CRACR2B: variants seen among roughly 807,000 people sequenced by gnomAD.
CRACR2B encodes calcium release activated channel regulator 2B.
In CRACR2B, 50 loss-of-function variants were observed where a neutral mutation model predicts 46.0. That is an observed-to-expected ratio of 1.09 (90% confidence interval 0.87 to 1.38). The LOEUF (loss-of-function observed/expected upper bound fraction) is 1.38. CRACR2B is among the 40% of genes most tolerant of loss of function. CRACR2B has a pLI of 0.00. For missense variants in CRACR2B, 667 were observed against 535.0 expected (o/e 1.25, Z -2.43); for synonymous variants, 277 against 239.6 (o/e 1.16, Z -1.44).
Position 831,671 on chromosome 11 carries a change from C to G in CRACR2B, c.1162C>G (p.Pro388Ala), listed in dbSNP as rs1310730654. Residue 388 changes from proline to alanine, a missense_variant, in exon 9 of 9, where the codon CCC (proline) becomes GCC (alanine). Pro to Ala is a conservative substitution (Grantham distance 27). Transcript: ENST00000525077. ...CTGCTGCTGTTGCTGGGCTCGGCCC[C>G]CCAGACGCGGCTCTGGCCACCTTCC... ...CCCCCCWARP[P>A]RRGSGHLPSA... 3.3e-6 allele frequency: 5 copies of G among 1,530,798 alleles called. No homozygotes were observed. The highest frequency in any genetic ancestry group is 4.4e-6 in the Non-Finnish European group (5 of 1,145,250). 94.8% of individuals were successfully genotyped at this position (1,530,798 alleles called of 1,614,324 possible).
chr11:829,229 G>A, intron 2 of CRACR2B, 131 bp from the exon 3 acceptor site: 18 of 1,461,324 alleles, frequency 1.2e-5, no homozygotes, highest in Non-Finnish European at 1.5e-5. Flanking sequence ...CAGGCCAATA[G>A]GACCAGAATA....
chr11:829,482 G>A lies in CRACR2B; in HGVS notation c.400G>A (p.Glu134Lys). 1 of 1,608,294 alleles carries A rather than the reference G, an allele frequency of 6.2e-7. No homozygotes were observed. Among genetic ancestry groups the A allele is most frequent in the Non-Finnish European group, 8.5e-7 (1 of 1,178,324 alleles). Residue 134 changes from glutamate to lysine, a missense_variant, in exon 3 of 9, where the codon GAG becomes AAG. Glu to Lys is a moderately conservative substitution (Grantham distance 56, BLOSUM62 1). Coordinates refer to ENST00000525077, the MANE Select transcript of CRACR2B (RefSeq NM_001286606.2). The part of the protein sequence containing the change: ...TAGSLDEEEE[E>K]EERFHTVLEQ... ...GGGCTCTCTGGATGAGGAGGAGGAA[G>A]AGGAGGAGCGATTCCACACTGTGCT...
Position 830,730 on chromosome 11 carries a change from T to TG in CRACR2B, c.786+18dup, listed in dbSNP as rs1433443746. The TG allele has an allele frequency of 2.0e-6, 3 of 1,517,940 alleles. No individual in the cohort carries two copies. In the African/African-American group the frequency reaches 4.1e-5, roughly 21 times the overall value. The allele number at this position is 1,517,940 out of a possible 1,614,324, so 94.0% of individuals were successfully genotyped here. ...CAGCGGGAGGTGAGCACCCGGCCCC[T>TG]GCCCTGTCCCCACGGTCACCCGTGC... On this transcript the variant is annotated intron_variant, in intron 6 of 8. Coordinates refer to ENST00000525077, the MANE Select transcript of CRACR2B (RefSeq NM_001286606.2).
At chr11:829,752 G>A (rs987576793) in intron 3 of CRACR2B, 5 of 1,006,912 alleles carry the variant, frequency 5.0e-6, no homozygotes, top group African/African-American at 3.3e-5. Context: ...CTGCAGGGAG[G>A]AGGGGCAGCG....
chr11:828,530 C>T lies in CRACR2B; in HGVS notation c.-78C>T. ...GCCTTCAGACACACTTGCACCCCATCCGCTCCCCTCCTGAATTTCTTCTGA... is the reference window on the plus strand; with the variant it reads ...GCCTTCAGACACACTTGCACCCCATTCGCTCCCCTCCTGAATTTCTTCTGA... On this transcript the variant is annotated 5_prime_UTR_variant, in exon 1 of 9. Coordinates refer to ENST00000525077, the MANE Select transcript of CRACR2B (RefSeq NM_001286606.2). The T allele has an allele frequency of 6.8e-7, 1 of 1,460,672 alleles. No individual in the cohort carries two copies. Among genetic ancestry groups the T allele is most frequent in the Non-Finnish European group, 9.0e-7 (1 of 1,110,082 alleles). The allele number at this position is 1,460,672 out of a possible 1,614,324, so 90.5% of individuals were successfully genotyped here. A position where few individuals can be genotyped will look rare whatever the true frequency, so the allele number is the denominator to read the frequency against.
Position 831,677 on chromosome 11 carries a change from C to T in CRACR2B, c.1168C>T (p.Arg390Cys), listed in dbSNP as rs546770617. ...CCCCWARPPRRGSGHLPSAR is the reference protein window; with the variant it reads ...CCCCWARPPRCGSGHLPSAR The stretch of plus-strand genomic sequence containing the variant: ...CTGTTGCTGGGCTCGGCCCCCCAGA[C>T]GCGGCTCTGGCCACCTTCCCAGTGC... The change falls in exon 9 of 9, where the codon CGC (arginine) becomes TGC (cysteine). Residue 390 changes from arginine to cysteine, a missense_variant. Physicochemically the swap from Arg to Cys is radical, Grantham distance 180. Transcript: ENST00000525077. 36 of 1,525,526 alleles carry T rather than the reference C, an allele frequency of 2.4e-5. No homozygotes were observed. The South Asian group carries it at 2.9e-4, about 12-fold the overall frequency. The allele number at this position is 1,525,526 out of a possible 1,614,324, so 94.5% of individuals were successfully genotyped here.
upstream of CRACR2B, chr11:827,411 G>C: frequency 2.6e-6 from 1 of 386,490 alleles, no homozygotes; most frequent in Non-Finnish European, 3.5e-6. Context: ...AAACCTGAGC[G>C]TCTCGGTCGG....
chr11:831,955 A>T lies in CRACR2B; in HGVS notation c.*246A>T. The T allele has an allele frequency of 2.1e-6, 1 of 468,830 alleles. No individual in the cohort carries two copies. The highest frequency in any genetic ancestry group is 3.7e-6 in the Non-Finnish European group (1 of 269,782). The allele number at this position is 468,830 out of a possible 1,614,324, so 29.0% of individuals were successfully genotyped here. ...CAACCCCATCTCAGTTCAGCAGAAA[A>T]CCCCCTCGTCAAATAAAACCCACTG... On this transcript the variant is annotated 3_prime_UTR_variant, in exon 9 of 9. Coordinates refer to ENST00000525077, the MANE Select transcript of CRACR2B (RefSeq NM_001286606.2).
At position 831,037 on chromosome 11, in the gene CRACR2B, C is replaced by G. The variant is rs1299816601; in HGVS notation, c.953+5C>G. Reference sequence around the variant, plus strand: ...CCGCCAGGAGCAAACCCAACGGTGCCGTGGGACGGGGCTGGGCGGGCCCCG... The same window carrying G: ...CCGCCAGGAGCAAACCCAACGGTGCGGTGGGACGGGGCTGGGCGGGCCCCG... On this transcript the variant is annotated splice_donor_5th_base_variant and intron_variant, in intron 7 of 8. Transcript: ENST00000525077. The G allele has an allele frequency of 2.0e-5, 31 of 1,535,184 alleles. No individual in the cohort carries two copies. Among genetic ancestry groups the G allele is most frequent in the African/African-American group, 4.1e-5 (3 of 72,980 alleles).
rs1191136827 is a variant in CRACR2B, at chr11:830,718, G to A, written c.786+5G>A. Reference sequence around the variant, plus strand: ...GCGGGCCTGCGGCAGCGGGAGGTGAGCACCCGGCCCCTGCCCTGTCCCCAC... The same window carrying A: ...GCGGGCCTGCGGCAGCGGGAGGTGAACACCCGGCCCCTGCCCTGTCCCCAC... On this transcript the variant is annotated splice_donor_5th_base_variant and intron_variant, in intron 6 of 8. Coordinates refer to ENST00000525077, the MANE Select transcript of CRACR2B (RefSeq NM_001286606.2). 2.0e-6 allele frequency: 3 copies of A among 1,528,448 alleles called. No homozygotes were observed. The highest frequency in any genetic ancestry group is 1.2e-5 in the South Asian group (1 of 81,340). The allele number at this position is 1,528,448 out of a possible 1,614,324, so 94.7% of individuals were successfully genotyped here.
upstream of CRACR2B, chr11:827,555 G>A: frequency 1.0e-6 from 1 of 985,164 alleles, no homozygotes. Context: ...GGGCCCTGCT[G>A]CCGCGCGGCT....
At chr11:829,928 A>T (rs1158232962) in intron 3 of CRACR2B, 58 bp from the exon 4 acceptor site, 5 of 1,525,176 alleles carry the variant, frequency 3.3e-6, no homozygotes, top group Non-Finnish European at 4.4e-6. Flanking sequence ...CTGCTGGCGG[A>T]GGGAAGCCTG....
Position 831,760 on chromosome 11 carries a change from G to A in CRACR2B, c.*51G>A, listed in dbSNP as rs932465538. ...TGAGCTAGAAGCTGCCCTTGCAGGA[G>A]GCTTGTCATGGGTCGGGGGTGCCCA... On this transcript the variant is annotated 3_prime_UTR_variant, in exon 9 of 9. Transcript: ENST00000525077. The A allele has an allele frequency of 1.4e-5, 20 of 1,463,572 alleles. No individual in the cohort carries two copies. The South Asian group carries it at 2.0e-4, about 15-fold the overall frequency. 90.7% of individuals were successfully genotyped at this position (1,463,572 alleles called of 1,614,324 possible). A position where few individuals can be genotyped will look rare whatever the true frequency, so the allele number is the denominator to read the frequency against.
At chr11:831,183 A>C (rs201736358) in intron 7 of CRACR2B, 41 bp from the exon 8 acceptor site, 2 of 1,610,780 alleles carry the variant, frequency 1.2e-6, no homozygotes, top group Admixed American at 3.4e-5. Flanking sequence ...GGGCTCCCCA[A>C]GGAGCCTTCC....
chr11:828,484 G>A lies in CRACR2B; in HGVS notation c.-124G>A. 1 of 1,219,136 alleles carries A rather than the reference G, an allele frequency of 8.2e-7. No individual in the cohort carries two copies. Among genetic ancestry groups the A allele is most frequent in the Non-Finnish European group, 1.1e-6 (1 of 911,950 alleles). 75.5% of individuals were successfully genotyped at this position (1,219,136 alleles called of 1,614,324 possible). ...CCTTCCGCCCACCTTCCCACCTGCT[G>A]CAGGGAGGGCCCTCGGCTGAGCCTT... is the stretch of plus-strand genomic sequence containing the variant. On this transcript the variant is annotated 5_prime_UTR_variant, in exon 1 of 9. Transcript: ENST00000525077.
intron 2 of CRACR2B, 58 bp downstream of exon 2, chr11:829,021 C>A: frequency 6.3e-7 from 1 of 1,588,590 alleles, no homozygotes; most frequent in South Asian, 1.1e-5. Context: ...GATCAGGAGG[C>A]CTGGCACTTG....
chr11:830,516 C>G (rs1046271747), intron 5 of CRACR2B, 105 bp from the exon 6 acceptor site: 69 of 1,540,820 alleles, frequency 4.5e-5, no homozygotes, highest in Non-Finnish European at 6.0e-5. Context: ...CTTCTCCACC[C>G]GACCCCGCTC....
At chr11:829,313 A>G (rs770145826) in intron 2 of CRACR2B, 47 bp from the exon 3 acceptor site, 2 of 1,554,022 alleles carry the variant, frequency 1.3e-6, no homozygotes, top group Non-Finnish European at 1.7e-6. Flanking sequence ...GGACACAGCC[A>G]CGGTGGCGAC....
chr11:829,892 G>A (rs1846249251), intron 3 of CRACR2B, 94 bp from the exon 4 acceptor site: 1 of 1,469,386 alleles, frequency 6.8e-7, no homozygotes. Flanking sequence ...TCCTGCCCAG[G>A]GGCGAAGAAG....
Sources: gnomAD v4.1 joint callset for allele counts on GRCh38, gnomAD v4.1.1 for gene constraint, MANE v1.5 for transcripts, NCBI Gene and HGNC (gene_info 2026-07-23, HGNC 2026-07-21) for gene names.